The following ZNF133 variants were observed in gnomAD, a reference collection of about 807,000 sequenced individuals.
The protein encoded by ZNF133 is zinc finger protein 133, also known as zinc finger protein 133 (clone pHZ-13).
In ZNF133, 26 loss-of-function variants were observed where a neutral mutation model predicts 54.9. That is an observed-to-expected ratio of 0.47 (90% CI 0.35 to 0.66). ZNF133 has a LOEUF of 0.66. ZNF133 is among the 30% of genes least tolerant of loss of function. The pLI, the probability that ZNF133 is intolerant of heterozygous loss-of-function variation, is 0.01. For missense variants in ZNF133, 653 were observed against 820.8 expected, an observed-to-expected ratio of 0.80 and a Z score of 2.50; for synonymous variants, 298 against 320.3, an observed-to-expected ratio of 0.93 and a Z score of 0.74.
intron 6 of ZNF133, chr20:18,306,814 A>G: frequency 9.4e-7 from 1 of 1,067,202 alleles, no homozygotes; most frequent in South Asian, 1.8e-5. Flanking sequence ...TCTAAAAAAA[A>G]CTGTGAGCTA....
rs1444111277 is a variant in ZNF133 at position 18,305,988 on chromosome 20, G to C, written c.121+181G>C. On this transcript the variant is annotated intron_variant, in intron 5 of 6. Transcript: ENST00000425686. This position sits in a 1 kb window ranked among gnomAD's most constrained non-coding sequence, Gnocchi z 4.7. Reference sequence around the variant, plus strand: ...AGTGGAAAATGGGTAGATTTGTTGTGTGTGTGCATATGTGTATTGTGTGTG... The same window carrying C: ...AGTGGAAAATGGGTAGATTTGTTGTCTGTGTGCATATGTGTATTGTGTGTG... Among the ~76,000 whole-genome samples the C allele has an allele frequency of 1.3e-5, 2 of 152,206 alleles. No homozygotes were observed. The highest frequency in any genetic ancestry group is 3.8e-4 in the East Asian group (2 of 5,200).
chr20:18,297,843 C>G, intron 1 of ZNF133, 142 bp from the exon 2 acceptor site: 2 of 572,714 alleles, frequency 3.5e-6, no homozygotes, highest in Admixed American at 6.3e-5. Context: ...TTGCTGTTTC[C>G]AAGCAGTATC....
At chr20:18,301,793 C>T (rs1377769040) in intron 3 of ZNF133, among the ~76,000 whole-genome samples, 1 of 152,090 alleles carries the variant, frequency 6.6e-6, no homozygotes, top group Non-Finnish European at 1.5e-5. Context: ...CAATCAGGCC[C>T]TCCTGGACCT....
In ZNF133 at chr20:18,301,957, T is replaced by C. The variant is rs144384599; in HGVS notation, c.-177-3051T>C. 8.8e-3 allele frequency among the ~76,000 whole-genome samples: 1,344 copies of C among 152,262 alleles called. 5 individuals carry two copies. The highest frequency in any genetic ancestry group is 0.015 in the Non-Finnish European group (987 of 68,010). ...TGATACCAAAACCAGACAAAGACAC[T>C]ACAAGAAAATTACATCATTTATAAC... On this transcript the variant is annotated intron_variant, in intron 3 of 6. Transcript: ENST00000425686.
Position 18,296,888 on chromosome 20 carries a change from T to A in ZNF133, c.-431-1097T>A, listed in dbSNP as rs142194950. Among the ~76,000 whole-genome samples, 587 of 152,334 alleles carry A rather than the reference T, an allele frequency of 3.9e-3. 3 individuals are homozygous for A. Among genetic ancestry groups the A allele is most frequent in the African/African-American group, 0.013 (548 of 41,566 alleles). On this transcript the variant is annotated intron_variant, in intron 1 of 6. Coordinates refer to ENST00000425686, the MANE Select transcript of ZNF133 (RefSeq NM_001352452.2). ...ACATTTTACATTCCCACCAGCAGTATGCAGTGGTTGAATGATAATTTCAAA... is the reference window on the plus strand; with the variant it reads ...ACATTTTACATTCCCACCAGCAGTAAGCAGTGGTTGAATGATAATTTCAAA...
At position 18,316,813 on chromosome 20, in the gene ZNF133, C is replaced by A; in HGVS notation, c.1962C>A (p.Leu654=). The change falls in exon 7 of 7, where the codon CTC becomes CTA. Residue 654 remains leucine (L), a synonymous_variant. Transcript: ENST00000425686. ...AACCTTCGGATTCCTTATACTCTCT[C>A]TGAAGGCAAAGATGGGGACAAGGAC... ...AGQPSDSLYS[L] is the part of the protein sequence containing the mutation. 6.2e-7 allele frequency: 1 copy of A among 1,600,828 alleles called. No individual in the cohort carries two copies. The highest frequency in any genetic ancestry group is 8.5e-7 in the Non-Finnish European group (1 of 1,172,118).
chr20:18,302,133 G>A (rs1304318442), intron 3 of ZNF133, among the ~76,000 whole-genome samples: 1 of 152,206 alleles, frequency 6.6e-6, no homozygotes, highest in Non-Finnish European at 1.5e-5. Flanking sequence ...GGGCACGGTG[G>A]CTCATGCCTG....
At chr20:18,296,242 C>A (rs1449011190) in intron 1 of ZNF133, among the ~76,000 whole-genome samples, 1 of 152,100 alleles carries the variant, frequency 6.6e-6, no homozygotes, top group Non-Finnish European at 1.5e-5. Flanking sequence ...TAAATTTCCC[C>A]TATCCTGTCT....
At chr20:18,306,671 TG>T in intron 6 of ZNF133, 1 of 1,286,608 alleles carries the variant, frequency 7.8e-7, no homozygotes, top group Non-Finnish European at 1.0e-6. Context: ...TTCATATATA[TG>T]GGCTTCTTTC....
rs143403962 is a variant in ZNF133, at chr20:18,316,656, G to A, written c.1805G>A (p.Gly602Glu). 3 of 1,614,142 alleles carry A rather than the reference G, an allele frequency of 1.9e-6. No individual in the cohort carries two copies. The highest frequency in any genetic ancestry group is 2.5e-6 in the Non-Finnish European group (3 of 1,180,034). The change falls in exon 7 of 7, where the codon GGG becomes GAG. Residue 602 changes from glycine (G) to glutamate (E), a missense_variant. Around this residue, in one of 4 missense-constraint regions of ZNF133, gnomAD observed 129 missense variants for 138.5 expected, o/e 0.93. Transcript: ENST00000425686. ...HLTLHQMTHT[G>E]EKPYVCKTCG... is the part of the protein sequence containing the mutation. ...ACCTTACATCAAATGACACATACGGGGGAGAAGCCATATGTGTGCAAGACG... is the reference window on the plus strand; with the variant it reads ...ACCTTACATCAAATGACACATACGGAGGAGAAGCCATATGTGTGCAAGACG...
At chr20:18,301,548 T>A (rs1042636215) in intron 3 of ZNF133, among the ~76,000 whole-genome samples, 1 of 152,070 alleles carries the variant, frequency 6.6e-6, no homozygotes, top group East Asian at 1.9e-4. Context: ...ATAAGAAAAC[T>A]CAAATTACTA....
intron 1 of ZNF133, among the ~76,000 whole-genome samples, chr20:18,297,674 A>G (rs1011573351): frequency 1.3e-5 from 2 of 152,114 alleles, no homozygotes; most frequent in Non-Finnish European, 2.9e-5. Context: ...AGTTCAGGAA[A>G]ATGCTTCTGG....
At chr20:18,302,858 T>C (rs767422711) in intron 3 of ZNF133, among the ~76,000 whole-genome samples, 23 of 152,148 alleles carry the variant, frequency 1.5e-4, no homozygotes, top group Non-Finnish European at 2.9e-4. Flanking sequence ...GTTGCATATC[T>C]ATACACTTAA....
chr20:18,297,738 G>A lies in ZNF133; in HGVS notation c.-431-247G>A, dbSNP rs1392789813. On this transcript the variant is annotated intron_variant, in intron 1 of 6. Coordinates refer to ENST00000425686, the MANE Select transcript of ZNF133 (RefSeq NM_001352452.2). ...GGATTGCAGGGGAAGGAGAGGTGGT[G>A]CATCCTTTGGGGTTTCTTTGTTGTT... 3.9e-5 allele frequency among the ~76,000 whole-genome samples: 6 copies of A among 152,100 alleles called. 1 individual carries two copies. In the East Asian group the frequency reaches 7.7e-4, roughly 20 times the overall value.
At chr20:18,310,581 C>T (rs7262053) in intron 6 of ZNF133, among the ~76,000 whole-genome samples, 52,265 of 152,022 alleles carry the variant, frequency 0.34, 10,766 homozygotes, top group African/African-American at 0.57. Flanking sequence ...AAAGGTTGGA[C>T]TCATAGAGAA....
At chr20:18,289,659 T>G (rs986279597) in intron 1 of ZNF133, among the ~76,000 whole-genome samples, 22 of 152,208 alleles carry the variant, frequency 1.4e-4, no homozygotes, top group Non-Finnish European at 2.8e-4. Flanking sequence ...GATAATAGCA[T>G]CTATCGTATT....
At chr20:18,310,496 GATGTT>G (rs1329208884) in intron 6 of ZNF133, among the ~76,000 whole-genome samples, 4 of 152,160 alleles carry the variant, frequency 2.6e-5, no homozygotes, top group African/African-American at 9.7e-5. Context: ...GAACCTGGAG[GATGTT>G]ATGTTAAGTG....
chr20:18,304,309 C>T (rs369517675), intron 3 of ZNF133, among the ~76,000 whole-genome samples: 116 of 152,206 alleles, frequency 7.6e-4, no homozygotes, highest in South Asian at 3.5e-3. Flanking sequence ...TTGTGCATTG[C>T]GGGTGGGAAT....
chr20:18,308,083 C>T (rs779815040), intron 6 of ZNF133, among the ~76,000 whole-genome samples: 4 of 151,992 alleles, frequency 2.6e-5, no homozygotes, highest in Non-Finnish European at 5.9e-5. Flanking sequence ...TAGTGGTTAC[C>T]TCTGTGGGGA....
Sources: allele counts gnomAD v4.1 joint callset (sites outside exome capture counted in the v4.1 genomes callset), GRCh38; gene constraint gnomAD v4.1.1; regional missense constraint gnomAD v4.1.1; non-coding constraint Gnocchi (gnomAD v3.1); transcripts MANE v1.5; gene names NCBI Gene and HGNC (gene_info 2026-07-23, HGNC 2026-07-21).